Variants in MOBP observed in about 807,000 individuals in gnomAD.
MOBP encodes the protein myelin associated oligodendrocyte basic protein.
MOBP carries 5 observed loss-of-function variants against 15.0 expected under a neutral mutation model. The ratio of observed to expected loss-of-function variants is 0.33; its 90% CI spans 0.17 to 0.70. The LOEUF is 0.70. MOBP is among the 30% of genes least tolerant of loss of function. MOBP has a pLI of 0.67. For missense variants in MOBP, 188 were observed against 257.8 expected, an observed-to-expected ratio of 0.73 and a Z score of 1.85; for synonymous variants, 88 against 99.0, an observed-to-expected ratio of 0.89 and a Z score of 0.66.
At chr3:39,493,153 AAGG>A (rs1258490979) in intron 2 of MOBP, among the ~76,000 whole-genome samples, 1 of 152,186 alleles carries the variant, frequency 6.6e-6, no homozygotes, top group African/African-American at 2.4e-5. Flanking sequence ...GATAAAAAGA[AAGG>A]AGGAAGGGTG....
At chr3:39,518,592 C>G (rs1462212769), downstream of MOBP, among the ~76,000 whole-genome samples, 2 of 152,140 alleles carry the variant, frequency 1.3e-5, no homozygotes, top group African/African-American at 2.4e-5. Context: ...ATTACAGTGT[C>G]TCTGAAATAC....
downstream of MOBP, chr3:39,527,493 G>A (rs2043336280): frequency 7.0e-6 from 1 of 143,572 alleles, no homozygotes; most frequent in Non-Finnish European, 1.5e-5. Context: ...AGGCTGGAGT[G>A]CAATGGCACG....
rs1559411976 is a variant in MOBP at position 39,469,046 on chromosome 3, A to ATGTGTGTGTATATACATATATACATATG, written c.-89+1342_-89+1369dup. Among the ~76,000 whole-genome samples, 153 of 73,368 alleles carry ATGTGTGTGTATATACATATATACATATG rather than the reference A, an allele frequency of 2.1e-3. 21 individuals carry two copies. Among genetic ancestry groups the ATGTGTGTGTATATACATATATACATATG allele is most frequent in the Non-Finnish European group, 2.8e-3 (119 of 42,124 alleles). The allele number at this position is 73,368 out of a possible 152,430, so 48.1% of individuals were successfully genotyped here. On this transcript the variant is annotated intron_variant, in intron 1 of 3. Coordinates refer to ENST00000684792, the MANE Select transcript of MOBP (RefSeq NM_001393704.1). Reference sequence around the variant, plus strand: ...TGTGTATATATATACATATATACATATGTGTGTGTATATACATATATACAT... The same window carrying ATGTGTGTGTATATACATATATACATATG: ...TGTGTATATATATACATATATACATATGTGTGTGTATATACATATATACATATGTGTGTGTGTATATACATATATACAT...
chr3:39,480,733 G>C (rs1283081573), intron 2 of MOBP, among the ~76,000 whole-genome samples: 1 of 152,126 alleles, frequency 6.6e-6, no homozygotes, highest in Non-Finnish European at 1.5e-5. Context: ...TTTTTACTGG[G>C]CTGCCCACTC....
intron 2 of MOBP, among the ~76,000 whole-genome samples, chr3:39,501,253 G>A (rs2042965868): frequency 6.6e-6 from 1 of 152,198 alleles, no homozygotes; most frequent in Non-Finnish European, 1.5e-5. Flanking sequence ...CTGACCCTGA[G>A]TTTGTTGAGA....
rs201157488 is a variant in MOBP, at chr3:39,468,091, TTA to T, written c.-89+352_-89+353del. Among the ~76,000 whole-genome samples, 103 of 138,720 alleles carry T rather than the reference TTA, an allele frequency of 7.4e-4. 1 individual carries two copies. Among genetic ancestry groups the T allele is most frequent in the African/African-American group, 4.9e-4 (16 of 32,632 alleles). The allele number at this position is 138,720 out of a possible 152,430, so 91.0% of individuals were successfully genotyped here. On this transcript the variant is annotated intron_variant, in intron 1 of 3. Transcript: ENST00000684792. ...TGCTGCTGCTGCTGCTTTTTTTTTT[TTA>T]ATTTATTTCTTCTTTTATTATTTGT...
intron 2 of MOBP, among the ~76,000 whole-genome samples, chr3:39,490,471 A>C (rs1259583211): frequency 2.6e-5 from 4 of 152,200 alleles, no homozygotes; most frequent in Non-Finnish European, 4.4e-5. Flanking sequence ...GCTTTGAAAA[A>C]ATTCAGTATT....
chr3:39,468,049 TG>T (rs2042368201), intron 1 of MOBP, among the ~76,000 whole-genome samples: 1 of 152,058 alleles, frequency 6.6e-6, no homozygotes, highest in Admixed American at 6.5e-5. Flanking sequence ...TGGAGCTAGA[TG>T]GATGGTAGTA....
At chr3:39,482,035 A>G (rs901338638) in intron 2 of MOBP, among the ~76,000 whole-genome samples, 1 of 152,140 alleles carries the variant, frequency 6.6e-6, no homozygotes, top group East Asian at 1.9e-4. Context: ...CCTCTGAACT[A>G]TTCACATGAC....
downstream of MOBP, among the ~76,000 whole-genome samples, chr3:39,520,615 GAGAC>G (rs1439763355): frequency 2.0e-5 from 3 of 151,994 alleles, no homozygotes; most frequent in African/African-American, 7.3e-5. Context: ...AGAGAAGAGA[GAGAC>G]AGAGGAAAAG....
intron 4 of MOBP, among the ~76,000 whole-genome samples, chr3:39,512,129 G>A (rs1162953150): frequency 2.6e-5 from 4 of 152,226 alleles, no homozygotes; most frequent in Middle Eastern, 3.4e-3. Flanking sequence ...CTGGTTGATT[G>A]GGAGTTCAGG....
chr3:39,477,244 C>T (rs775058352), intron 1 of MOBP, among the ~76,000 whole-genome samples: 40 of 152,048 alleles, frequency 2.6e-4, no homozygotes, highest in Non-Finnish European at 7.3e-5. Flanking sequence ...CATAGTTTCA[C>T]CCTGCAGTTG....
chr3:39,490,786 C>T (rs541788229), intron 2 of MOBP, among the ~76,000 whole-genome samples: 2 of 152,262 alleles, frequency 1.3e-5, no homozygotes, highest in Non-Finnish European at 2.9e-5. Context: ...TGGTCTCGAA[C>T]GCTTGACCTT....
chr3:39,482,108 T>C (rs1325656160), intron 2 of MOBP, among the ~76,000 whole-genome samples: 1 of 152,208 alleles, frequency 6.6e-6, no homozygotes, highest in Non-Finnish European at 1.5e-5. Context: ...CTCATGCTTC[T>C]GTTTTTCGCC....
At chr3:39,476,587 T>C (rs2042548597) in intron 1 of MOBP, among the ~76,000 whole-genome samples, 1 of 152,058 alleles carries the variant, frequency 6.6e-6, no homozygotes, top group Non-Finnish European at 1.5e-5. Context: ...TATTGTAGGA[T>C]TATCTACACT....
intron 2 of MOBP, among the ~76,000 whole-genome samples, chr3:39,482,454 A>G (rs1363526375): frequency 2.0e-5 from 3 of 152,090 alleles, no homozygotes; most frequent in African/African-American, 4.8e-5. Flanking sequence ...GATCAAGACC[A>G]TCCTGGCAAA....
At chr3:39,488,764 G>A (rs1442544880) in intron 2 of MOBP, among the ~76,000 whole-genome samples, 2 of 151,934 alleles carry the variant, frequency 1.3e-5, no homozygotes, top group Admixed American at 6.6e-5. Flanking sequence ...ACAACAAATC[G>A]CACATCCAGT....
intron 2 of MOBP, chr3:39,500,150 T>TAAA: frequency 6.7e-6 from 3 of 448,450 alleles, no homozygotes; most frequent in Non-Finnish European, 1.3e-5. Context: ...TCTCAGTAAA[T>TAAA]GAAGTTTTTC....
At chr3:39,468,971 TATATATAC>T (rs1343799940) in intron 1 of MOBP, among the ~76,000 whole-genome samples, 2 of 104,760 alleles carry the variant, frequency 1.9e-5, no homozygotes, top group African/African-American at 5.4e-5. Flanking sequence ...TATGTGTGTG[TATATATAC>T]ATATATACAT....
Sources: allele counts gnomAD v4.1 joint callset (sites outside exome capture counted in the v4.1 genomes callset), GRCh38; gene constraint gnomAD v4.1.1; transcripts MANE v1.5; gene names NCBI Gene and HGNC (gene_info 2026-07-23, HGNC 2026-07-21).